FARS2: variants seen among roughly 807,000 people sequenced by gnomAD.
The protein encoded by FARS2 is phenylalanyl-tRNA synthetase 2, mitochondrial, also known as phenylalanine--tRNA ligase, mitochondrial.
In FARS2, 40 loss-of-function variants were observed where a neutral mutation model predicts 46.4. The observed-to-expected ratio is 0.86, with a 90% confidence interval of 0.67 to 1.12. The LOEUF (loss-of-function observed/expected upper bound fraction) is 1.12, where lower values mean the gene tolerates loss of function less well. Among genes scored for constraint, FARS2 ranks in the 50% most tolerant of loss-of-function variants. The probability of loss-of-function intolerance (pLI) is 0.00; values close to 1 mark genes in which losing one functional copy is unlikely to be tolerated. For missense variants in FARS2, 513 were observed against 567.9 expected (o/e 0.90, Z 0.98); for synonymous variants, 234 against 214.9 (o/e 1.09, Z -0.78).
At chr6:5,688,903 T>G (rs1338132103) in intron 6 of FARS2, among the ~76,000 whole-genome samples, 8 of 152,220 alleles carry the variant, frequency 5.3e-5, no homozygotes, top group Non-Finnish European at 8.8e-5. Flanking sequence ...TATTCAGAGA[T>G]TCAACTTCTT....
At chr6:5,587,861 G>A (rs945424837) in intron 5 of FARS2, among the ~76,000 whole-genome samples, 1 of 152,026 alleles carries the variant, frequency 6.6e-6, no homozygotes, top group East Asian at 1.9e-4. Flanking sequence ...TGTAAAAGGG[G>A]GACAATGATA....
At chr6:5,336,683 CA>C (rs1295605904) in intron 1 of FARS2, among the ~76,000 whole-genome samples, 1 of 152,016 alleles carries the variant, frequency 6.6e-6, no homozygotes, top group African/African-American at 2.4e-5. Context: ...TTAAAATGTA[CA>C]ATTGTTACTG....
intron 1 of FARS2, among the ~76,000 whole-genome samples, chr6:5,366,587 G>C (rs1225846166): frequency 2.0e-5 from 3 of 152,142 alleles, no homozygotes; most frequent in Non-Finnish European, 4.4e-5. Flanking sequence ...CGGCAAGCTG[G>C]GGGTTGCGTG....
Position 5,368,618 on chromosome 6 carries a change from GGTGA to G in FARS2, c.51_54del (p.Ser18ArgfsTer70). The G allele has an allele frequency of 6.2e-7, 1 of 1,614,056 alleles. No individual in the cohort carries two copies. The highest frequency in any genetic ancestry group is 1.1e-5 in the South Asian group (1 of 91,078). On this transcript the variant is annotated frameshift_variant, in exon 2 of 7. Transcript: ENST00000274680. LOFTEE classifies it high-confidence loss of function. ...GAGGTGCCCATGCATATGTCTACCT[GGTGA>G]GTAAGGCCAGTCACATCTCCAGAGG...
chr6:5,296,172 A>T (rs544507953), intron 1 of FARS2, among the ~76,000 whole-genome samples: 2 of 100,448 alleles, frequency 2.0e-5, no homozygotes, highest in Non-Finnish European at 1.8e-5. Flanking sequence ...GACGAAGTCT[A>T]GCTCTGTCGC....
intron 4 of FARS2, among the ~76,000 whole-genome samples, chr6:5,505,334 T>G (rs146966568): frequency 2.6e-5 from 4 of 152,312 alleles, no homozygotes; most frequent in African/African-American, 9.6e-5. Flanking sequence ...TGCTCCACCA[T>G]GACCCCCTTT....
intron 4 of FARS2, among the ~76,000 whole-genome samples, chr6:5,479,986 G>A (rs1766357774): frequency 6.6e-6 from 1 of 152,242 alleles, no homozygotes; most frequent in Non-Finnish European, 1.5e-5. Context: ...GTCTGTGTCT[G>A]CACAGATCTT....
intron 5 of FARS2, among the ~76,000 whole-genome samples, chr6:5,581,795 T>A (rs1226243886): frequency 6.6e-6 from 1 of 152,158 alleles, no homozygotes; most frequent in Non-Finnish European, 1.5e-5. Context: ...GGTAACATAC[T>A]TCCGGTTAAT....
intron 6 of FARS2, among the ~76,000 whole-genome samples, chr6:5,731,169 A>G (rs1448503803): frequency 6.6e-6 from 1 of 152,174 alleles, no homozygotes; most frequent in African/African-American, 2.4e-5. Flanking sequence ...TGGGCTTTTT[A>G]AAAGAGGCAT....
chr6:5,440,259 T>G (rs1325726626), intron 4 of FARS2, among the ~76,000 whole-genome samples: 1 of 152,204 alleles, frequency 6.6e-6, no homozygotes, highest in Non-Finnish European at 1.5e-5. Context: ...AGAAGTTATA[T>G]ATATATTTTA....
In FARS2 at chr6:5,675,279, G is replaced by C. The variant is rs1778706423; in HGVS notation, c.1217+61959G>C. ...GCTGGTAACCACATGTGTGCTGTCA[G>C]TCCATACAGGGACTTGATTGTCATG... is the stretch of plus-strand genomic sequence containing the variant. On this transcript the variant is annotated intron_variant, in intron 6 of 6. Coordinates refer to ENST00000274680, the MANE Select transcript of FARS2 (RefSeq NM_006567.5). 2.0e-5 allele frequency among the ~76,000 whole-genome samples: 3 copies of C among 151,852 alleles called. No individual in the cohort carries two copies. In the South Asian group the frequency reaches 6.2e-4, roughly 32 times the overall value.
intron 1 of FARS2, among the ~76,000 whole-genome samples, chr6:5,359,787 A>G (rs1279351341): frequency 6.6e-6 from 1 of 152,264 alleles, no homozygotes; most frequent in Non-Finnish European, 1.5e-5. Flanking sequence ...TATCCATGGA[A>G]GCCAAGAGCA....
intron 1 of FARS2, among the ~76,000 whole-genome samples, chr6:5,286,410 A>G (rs574635219): frequency 6.6e-6 from 1 of 152,170 alleles, no homozygotes; most frequent in South Asian, 2.1e-4. Context: ...CTACAGTTGC[A>G]TGTCACCATG....
chr6:5,498,482 G>C (rs1767603517), intron 4 of FARS2, among the ~76,000 whole-genome samples: 1 of 152,190 alleles, frequency 6.6e-6, no homozygotes, highest in Admixed American at 6.5e-5. Flanking sequence ...TTCTCCTCTA[G>C]AGTTTAAGTT....
At chr6:5,549,101 T>C (rs1444280138) in intron 5 of FARS2, among the ~76,000 whole-genome samples, 9 of 151,818 alleles carry the variant, frequency 5.9e-5, no homozygotes, top group Non-Finnish European at 1.2e-4. Context: ...TCCACCCAAC[T>C]GGGCTAAAGT....
intron 4 of FARS2, among the ~76,000 whole-genome samples, chr6:5,481,984 T>C (rs1766489476): frequency 6.6e-6 from 1 of 152,178 alleles, no homozygotes; most frequent in Non-Finnish European, 1.5e-5. Flanking sequence ...AGAGGCTTTC[T>C]TGAAGGAAGG....
chr6:5,357,784 T>C (rs991063813), intron 1 of FARS2, among the ~76,000 whole-genome samples: 1 of 152,236 alleles, frequency 6.6e-6, no homozygotes, highest in Non-Finnish European at 1.5e-5. Flanking sequence ...ATCCTGGTGC[T>C]GCCACTTAAG....
At chr6:5,401,012 G>T (rs1761223964) in intron 2 of FARS2, among the ~76,000 whole-genome samples, 1 of 151,702 alleles carries the variant, frequency 6.6e-6, no homozygotes, top group Non-Finnish European at 1.5e-5. Flanking sequence ...GTATCCATTT[G>T]CCTGTTATAT....
intron 6 of FARS2, among the ~76,000 whole-genome samples, chr6:5,694,107 G>A (rs554536884): frequency 5.3e-5 from 8 of 152,324 alleles, no homozygotes; most frequent in Non-Finnish European, 7.3e-5. Flanking sequence ...ATTGTGCTGT[G>A]CTCTATGTAG....
Sources: gnomAD v4.1 joint callset for allele counts (sites outside exome capture counted in the v4.1 genomes callset) on GRCh38, gnomAD v4.1.1 for gene constraint, MANE v1.5 for transcripts, NCBI Gene and HGNC (gene_info 2026-07-23, HGNC 2026-07-21) for gene names.